KMT2C: variants seen among roughly 807,000 people sequenced by gnomAD.
KMT2C encodes lysine methyltransferase 2C.
KMT2C carries 88 observed loss-of-function variants against 507.9 expected under a neutral mutation model. That is an observed-to-expected ratio of 0.17 (90% CI 0.15 to 0.21). The LOEUF is 0.21. KMT2C is among the 10% of genes least tolerant of loss of function. The probability of loss-of-function intolerance (pLI) is 1.00; values close to 1 mark genes in which losing one functional copy is unlikely to be tolerated. For synonymous variants in KMT2C, 2,049 were observed against 2,080.8 expected, an observed-to-expected ratio of 0.98 and a Z score of 0.42; for missense variants, 4,954 against 5,957.8, an observed-to-expected ratio of 0.83 and a Z score of 5.55.
At chr7:152,374,949 C>A (rs548436278) in intron 1 of KMT2C, among the ~76,000 whole-genome samples, 5 of 151,528 alleles carry the variant, frequency 3.3e-5, no homozygotes, top group African/African-American at 1.2e-4. Context: ...ATCAATTTTT[C>A]AGAACTCCTC....
chr7:152,248,608 T>C lies in KMT2C; in HGVS notation c.1826A>G (p.His609Arg), dbSNP rs2095514124. 6.2e-7 allele frequency: 1 copy of C among 1,603,826 alleles called. No individual in the cohort carries two copies. The highest frequency in any genetic ancestry group is 8.5e-7 in the Non-Finnish European group (1 of 1,173,088). ...TTTTTCCAATTCAGTATTCACTGTA[T>C]GTTGGGATGATACTACAAAATTCAG... ...DSLLIAVSSQ[H>R]TVNTELEKQI... The change falls in exon 14 of 59, where the codon CAT (histidine) becomes CGT (arginine). Residue 609 changes from histidine (H) to arginine (R), a missense_variant. His to Arg is a conservative substitution (Grantham distance 29). This residue lies in a region of KMT2C where 376 missense variants were observed against 352.4 expected (regional missense o/e 1.07). Transcript: ENST00000262189.
chr7:152,354,688 G>C (rs944535207), intron 2 of KMT2C, among the ~76,000 whole-genome samples: 5 of 152,158 alleles, frequency 3.3e-5, no homozygotes, highest in Non-Finnish European at 7.3e-5. Flanking sequence ...AAGCAAAGAA[G>C]ACAAAAAGTG....
intron 40 of KMT2C, 83 bp from the exon 41 acceptor site, chr7:152,169,332 A>T: frequency 1.3e-6 from 1 of 762,322 alleles, no homozygotes; most frequent in Non-Finnish European, 2.2e-6. Context: ...AGAAAGAAAA[A>T]AAGAAATGGA....
intron 2 of KMT2C, among the ~76,000 whole-genome samples, chr7:152,343,082 T>C (rs2097014024): frequency 6.6e-6 from 1 of 151,984 alleles, no homozygotes; most frequent in Admixed American, 6.6e-5. Flanking sequence ...TACACCTGGC[T>C]ATCGAGAAAA....
intron 16 of KMT2C, among the ~76,000 whole-genome samples, chr7:152,234,713 C>G (rs1289832019): frequency 6.6e-6 from 1 of 152,018 alleles, no homozygotes; most frequent in Non-Finnish European, 1.5e-5. Context: ...CCAGCCTGGA[C>G]AACATAGTGA....
In KMT2C at chr7:152,177,083, T is replaced by C. The variant is rs528782561; in HGVS notation, c.8370A>G (p.Val2790=). 1.9e-6 allele frequency: 3 copies of C among 1,613,128 alleles called. No homozygotes were observed. The highest frequency in any genetic ancestry group is 2.7e-5 in the African/African-American group (2 of 75,006). The part of the protein sequence containing the change: ...PIDDKLDNQC[V]SVEPKKKEQE... ...GTTCCTTTTTTTTTGGTTCAACAGA[T>C]ACACACTGATTATCTAACTTATCAT... Residue 2790 remains valine, a synonymous_variant, in exon 38 of 59, where the codon GTA becomes GTG. Transcript: ENST00000262189.
At chr7:152,226,832 G>A (rs1056999983) in intron 18 of KMT2C, among the ~76,000 whole-genome samples, 14 of 152,136 alleles carry the variant, frequency 9.2e-5, no homozygotes, top group African/African-American at 3.1e-4. Flanking sequence ...AAAGAACATG[G>A]CCATATTTCA....
intron 25 of KMT2C, among the ~76,000 whole-genome samples, chr7:152,203,334 A>AAAT (rs199559976): frequency 0.019 from 2,923 of 151,292 alleles, 40 homozygotes; most frequent in African/African-American, 0.041. Context: ...TTAAAGAGTA[A>AAAT]AATAATAATA....
chr7:152,221,014 G>C (rs1257876111), intron 22 of KMT2C, among the ~76,000 whole-genome samples: 1 of 152,158 alleles, frequency 6.6e-6, no homozygotes, highest in Admixed American at 6.6e-5. Flanking sequence ...CAGCACTTTG[G>C]GGGGCCGAGG....
intron 2 of KMT2C, among the ~76,000 whole-genome samples, chr7:152,353,830 T>C (rs747789790): frequency 6.6e-6 from 1 of 152,122 alleles, no homozygotes; most frequent in Non-Finnish European, 1.5e-5. Flanking sequence ...AAACATTAAG[T>C]AAGCATGTCA....
chr7:152,272,925 G>C (rs2096004936), intron 7 of KMT2C, among the ~76,000 whole-genome samples: 1 of 152,030 alleles, frequency 6.6e-6, no homozygotes, highest in African/African-American at 2.4e-5. Flanking sequence ...AGGTAACTAA[G>C]AGGTGACATA....
chr7:152,193,681 G>A (rs2093876070), intron 31 of KMT2C, among the ~76,000 whole-genome samples: 1 of 152,094 alleles, frequency 6.6e-6, no homozygotes, highest in African/African-American at 2.4e-5. Context: ...AGCGGGGACA[G>A]TTCCACACAC....
At chr7:152,401,764 G>A (rs2097575770) in intron 1 of KMT2C, among the ~76,000 whole-genome samples, 1 of 152,192 alleles carries the variant, frequency 6.6e-6, no homozygotes, top group Non-Finnish European at 1.5e-5. Flanking sequence ...CCTTGACAAT[G>A]TCAATGTCAG....
intron 1 of KMT2C, among the ~76,000 whole-genome samples, chr7:152,362,461 A>G (rs770096295): frequency 3.9e-5 from 6 of 152,192 alleles, no homozygotes; most frequent in Non-Finnish European, 8.8e-5. Flanking sequence ...GGGAGACTAG[A>G]AATCCTCGAA....
intron 4 of KMT2C, among the ~76,000 whole-genome samples, chr7:152,313,452 G>A (rs1047388615): frequency 6.6e-6 from 1 of 152,030 alleles, no homozygotes; most frequent in Non-Finnish European, 1.5e-5. Context: ...AGATATCAAT[G>A]TCAACACTAA....
intron 1 of KMT2C, among the ~76,000 whole-genome samples, chr7:152,418,387 G>T (rs34827287): frequency 0.05 from 7,598 of 152,204 alleles, 321 homozygotes; most frequent in African/African-American, 0.11. Flanking sequence ...AGAGGAAAAG[G>T]GGAGACAGCT....
chr7:152,307,243 A>ACGGT (rs1563802943), intron 6 of KMT2C, among the ~76,000 whole-genome samples: 2 of 128,528 alleles, frequency 1.6e-5, no homozygotes, highest in Non-Finnish European at 3.1e-5. Context: ...GGAAGGAAGG[A>ACGGT]AGGAAGGACG....
chr7:152,387,663 G>A (rs916163299), intron 1 of KMT2C, among the ~76,000 whole-genome samples: 7 of 152,120 alleles, frequency 4.6e-5, no homozygotes, highest in South Asian at 2.1e-4. Context: ...AGTAGAGACC[G>A]GGTTTCACCG....
At chr7:152,290,254 ATGTG>A (rs1285878646) in intron 6 of KMT2C, among the ~76,000 whole-genome samples, 36 of 41,602 alleles carry the variant, frequency 8.7e-4, no homozygotes, top group East Asian at 1.9e-3. Flanking sequence ...GTGTGTGTGT[ATGTG>A]TATATATATA....
Sources: allele counts gnomAD v4.1 joint callset (sites outside exome capture counted in the v4.1 genomes callset), GRCh38; gene constraint gnomAD v4.1.1; regional missense constraint gnomAD v4.1.1; transcripts MANE v1.5; gene names NCBI Gene and HGNC (gene_info 2026-07-23, HGNC 2026-07-21).